Variants in F5 observed in about 807,000 individuals in gnomAD.
F5 encodes coagulation factor V.
In F5, 138 loss-of-function variants were observed where a neutral mutation model predicts 216.4. The ratio of observed to expected loss-of-function variants is 0.64; its 90% CI spans 0.56 to 0.73. The LOEUF (loss-of-function observed/expected upper bound fraction) is 0.73, where lower values mean the gene tolerates loss of function less well. Ranked by LOEUF, F5 falls within the 30% of genes least tolerant of loss-of-function variation. The pLI is 0.00. For synonymous variants in F5, 916 were observed against 930.7 expected (o/e 0.98, Z 0.29); for missense variants, 2,403 against 2,674.0 (o/e 0.90, Z 2.24).
chr1:169,569,556 A>G (rs768104994), intron 3 of F5, among the ~76,000 whole-genome samples: 7 of 152,140 alleles, frequency 4.6e-5, no homozygotes, highest in African/African-American at 9.6e-5. Flanking sequence ...CATGCTAGTT[A>G]CAGAGTTTCT....
intron 18 of F5, 80 bp from the exon 19 acceptor site, chr1:169,524,988 A>T (rs1659404913): frequency 1.8e-6 from 2 of 1,114,960 alleles, no homozygotes; most frequent in Admixed American, 3.6e-5. Flanking sequence ...GTTAGGGATT[A>T]TGTTTCTGAC....
intron 7 of F5, among the ~76,000 whole-genome samples, chr1:169,553,245 C>T (rs191885336): frequency 6.6e-6 from 1 of 152,322 alleles, no homozygotes; most frequent in African/African-American, 2.4e-5. Flanking sequence ...GAAAAGCAAC[C>T]TCCTTCACCC....
chr1:169,572,189 C>T, intron 3 of F5, 32 bp downstream of exon 3: 1 of 1,601,986 alleles, frequency 6.2e-7, no homozygotes, highest in South Asian at 1.1e-5. Flanking sequence ...TAGACATTTT[C>T]CCTTTTCAGA....
At chr1:169,523,153 C>G in intron 21 of F5, 44 bp downstream of exon 21, 6 of 1,604,138 alleles carry the variant, frequency 3.7e-6, no homozygotes, top group Non-Finnish European at 5.1e-6. Context: ...AATTCTAGGC[C>G]AAGTCTAGAG....
intron 1 of F5, among the ~76,000 whole-genome samples, chr1:169,583,608 T>A (rs1430590871): frequency 6.6e-6 from 1 of 152,252 alleles, no homozygotes; most frequent in Non-Finnish European, 1.5e-5. Context: ...TAAGTTGATA[T>A]GTGCAAAAGG....
intron 19 of F5, 126 bp from the exon 20 acceptor site, chr1:169,524,030 A>G (rs1038543167): frequency 2.5e-6 from 2 of 792,604 alleles, no homozygotes; most frequent in African/African-American, 1.7e-5. Flanking sequence ...GAGTCTAGGC[A>G]TGGGCCTCAG....
Position 169,531,243 on chromosome 1 carries a change from G to A in F5, c.4972-221C>T, listed in dbSNP as rs9332618. ...AATACCAAAAGATATTTGTTCTTAG[G>A]CTCAAGGCTAAAGTACTGACATTAT... On this transcript the variant is annotated intron_variant, in intron 14 of 24. Coordinates refer to ENST00000367797, the MANE Select transcript of F5 (RefSeq NM_000130.5). Among the ~76,000 whole-genome samples the A allele has an allele frequency of 0.088, 13,439 of 151,934 alleles. 782 individuals carry two copies. The highest frequency in any genetic ancestry group is 0.11 in the Non-Finnish European group (7,646 of 68,002).
chr1:169,524,714 T>G lies in F5; in HGVS notation c.5788+123A>C, dbSNP rs866472340. 4 of 837,278 alleles carry G rather than the reference T, an allele frequency of 4.8e-6. No individual in the cohort carries two copies. In the Middle Eastern group the frequency reaches 8.8e-4, roughly 183 times the overall value. 51.9% of individuals were successfully genotyped at this position (837,278 alleles called of 1,614,324 possible). A position where few individuals can be genotyped will look rare whatever the true frequency, so the allele number is the denominator to read the frequency against. ...CAAATGGAGCTGCTTCACTACATTG[T>G]AGTAGAGAAAAGCATAAAGAGAAAA... On this transcript the variant is annotated intron_variant, in intron 19 of 24. Transcript: ENST00000367797.
chr1:169,529,374 T>G (rs1230085892), intron 16 of F5, among the ~76,000 whole-genome samples: 2 of 152,204 alleles, frequency 1.3e-5, no homozygotes, highest in African/African-American at 4.8e-5. Flanking sequence ...TTCTGTTGGT[T>G]TGTTTTGCAG....
intron 3 of F5, among the ~76,000 whole-genome samples, chr1:169,562,778 C>T (rs1248352835): frequency 1.3e-5 from 2 of 152,094 alleles, no homozygotes; most frequent in East Asian, 3.9e-4. Flanking sequence ...TATTGTCATA[C>T]ATTTTATTTA....
intron 2 of F5, among the ~76,000 whole-genome samples, chr1:169,579,095 A>G (rs570477316): frequency 6.9e-6 from 1 of 144,736 alleles, no homozygotes; most frequent in East Asian, 2.0e-4. Context: ...ACCAAGTTTC[A>G]GGGAAGAGTT....
At chr1:169,582,343 C>T in intron 2 of F5, 88 bp downstream of exon 2, 1 of 687,036 alleles carries the variant, frequency 1.5e-6, no homozygotes, top group Non-Finnish European at 2.4e-6. Context: ...TATAAATTTT[C>T]AGTAAATGGA....
chr1:169,564,816 C>A (rs139661191), intron 3 of F5, among the ~76,000 whole-genome samples: 108 of 152,152 alleles, frequency 7.1e-4, no homozygotes, highest in Middle Eastern at 3.4e-3. Flanking sequence ...AAATAAGGCA[C>A]ATCCATTCAA....
chr1:169,556,679 T>C lies in F5; in HGVS notation c.919A>G (p.Ile307Val). 1.2e-6 allele frequency: 2 copies of C among 1,613,964 alleles called. No individual in the cohort carries two copies. Among genetic ancestry groups the C allele is most frequent in the Non-Finnish European group, 1.7e-6 (2 of 1,179,950 alleles). The change falls in exon 6 of 25, where the codon ATC (isoleucine) becomes GTC (valine). Residue 307 changes from isoleucine to valine, a missense_variant. Around this residue, in one of 4 missense-constraint regions of F5, gnomAD observed 1,425 missense variants for 1,554.8 expected, o/e 0.92. Coordinates refer to ENST00000367797, the MANE Select transcript of F5 (RefSeq NM_000130.5). ...NMTVGPEGKWIISSLTPKHLQ... is the reference protein window; with the variant it reads ...NMTVGPEGKWVISSLTPKHLQ... The stretch of plus-strand genomic sequence containing the variant: ...TGTTTTGGGGTGAGAGAAGATATGA[T>C]CCACTTTCCCTCTGGGCCCACAGTC...
At chr1:169,576,976 C>T (rs1193330569) in intron 2 of F5, among the ~76,000 whole-genome samples, 1 of 152,128 alleles carries the variant, frequency 6.6e-6, no homozygotes, top group Admixed American at 6.5e-5. Context: ...TAAGGCAAAA[C>T]AAAAGGATGT....
chr1:169,576,711 T>C (rs1660858512), intron 2 of F5, among the ~76,000 whole-genome samples: 1 of 152,168 alleles, frequency 6.6e-6, no homozygotes. Flanking sequence ...TGGCTCCTGA[T>C]GGAAGTTTCC....
chr1:169,529,470 T>G, intron 16 of F5, 138 bp downstream of exon 16: 1 of 788,006 alleles, frequency 1.3e-6, no homozygotes, highest in Non-Finnish European at 2.1e-6. Flanking sequence ...CTCTGGAATG[T>G]TAAGGAACCG....
rs190348145 is a variant in F5, at chr1:169,544,887, G to T, written c.1763-379C>A. 3.3e-4 allele frequency among the ~76,000 whole-genome samples: 51 copies of T among 152,266 alleles called. 1 individual carries two copies. Among genetic ancestry groups the T allele is most frequent in the Admixed American group, 3.3e-3 (50 of 15,288 alleles). ...ATCTTTTTGATATATTAGTCATTGG[G>T]TAAGAAGTAATGTCCCTAAAAATAA... On this transcript the variant is annotated intron_variant, in intron 11 of 24. Transcript: ENST00000367797.
At chr1:169,564,137 C>G (rs759887785) in intron 3 of F5, among the ~76,000 whole-genome samples, 1 of 152,030 alleles carries the variant, frequency 6.6e-6, no homozygotes, top group Non-Finnish European at 1.5e-5. Context: ...GGAGGTCTTT[C>G]TATGTTTGAT....
Sources: allele counts gnomAD v4.1 joint callset (sites outside exome capture counted in the v4.1 genomes callset), GRCh38; gene constraint gnomAD v4.1.1; regional missense constraint gnomAD v4.1.1; transcripts MANE v1.5; gene names NCBI Gene and HGNC (gene_info 2026-07-23, HGNC 2026-07-21).